Variants in TMTC1 observed in about 807,000 individuals in gnomAD.
The protein encoded by TMTC1 is protein O-mannosyl-transferase TMTC1.
TMTC1 carries 73 observed loss-of-function variants against 104.8 expected under a neutral mutation model. That is an observed-to-expected ratio of 0.70 (90% confidence interval 0.58 to 0.85). The LOEUF (loss-of-function observed/expected upper bound fraction) is 0.85, where lower values mean the gene tolerates loss of function less well. Among genes scored for constraint, TMTC1 ranks in the 40% least tolerant of loss-of-function variants. TMTC1 has a pLI of 0.00. For missense variants in TMTC1, 1,035 were observed against 1,096.1 expected (o/e 0.94, Z 0.79); for synonymous variants, 434 against 428.7 (o/e 1.01, Z -0.15).
chr12:29,522,565 TG>T (rs1219969429), intron 11 of TMTC1, among the ~76,000 whole-genome samples: 5 of 150,768 alleles, frequency 3.3e-5, no homozygotes, highest in Non-Finnish European at 7.4e-5. Context: ...TGTGTGTGTG[TG>T]TGTGTGTGTG....
chr12:29,525,400 G>A (rs1445343526), intron 11 of TMTC1, among the ~76,000 whole-genome samples: 1 of 151,630 alleles, frequency 6.6e-6, no homozygotes, highest in East Asian at 1.9e-4. Flanking sequence ...TGGCCAGGCT[G>A]GTCTCGAACT....
intron 6 of TMTC1, among the ~76,000 whole-genome samples, chr12:29,629,589 C>T (rs1008955967): frequency 3.3e-5 from 5 of 152,274 alleles, no homozygotes; most frequent in East Asian, 1.9e-4. Flanking sequence ...TGGGCTCACA[C>T]TCCTTTTATA....
chr12:29,602,963 T>C (rs1161405615), intron 7 of TMTC1, among the ~76,000 whole-genome samples: 4 of 152,162 alleles, frequency 2.6e-5, no homozygotes, highest in African/African-American at 4.8e-5. Flanking sequence ...AGCAAAAACA[T>C]ATTTAGAACA....
chr12:29,536,390 C>T (rs58225783), intron 10 of TMTC1, 73 bp from the exon 11 acceptor site: 2 of 935,978 alleles, frequency 2.1e-6, no homozygotes. Context: ...TGATTAGACT[C>T]TAAAAATCTC....
intron 5 of TMTC1, among the ~76,000 whole-genome samples, chr12:29,641,416 G>C (rs1226580722): frequency 6.6e-6 from 1 of 152,094 alleles, no homozygotes; most frequent in African/African-American, 2.4e-5. Context: ...CATATCACAG[G>C]ACTCTGTAGA....
At chr12:29,754,256 C>A (rs546913934) in intron 4 of TMTC1, among the ~76,000 whole-genome samples, 1 of 151,134 alleles carries the variant, frequency 6.6e-6, no homozygotes, top group South Asian at 2.1e-4. Context: ...GAATTTCTAG[C>A]CATTTAGTAT....
At chr12:29,513,872 C>T (rs914057341) in intron 16 of TMTC1, among the ~76,000 whole-genome samples, 1 of 152,070 alleles carries the variant, frequency 6.6e-6, no homozygotes, top group African/African-American at 2.4e-5. Context: ...TTTGTGCGTG[C>T]CTGCACACAC....
At chr12:29,675,729 T>C (rs35363733) in intron 5 of TMTC1, among the ~76,000 whole-genome samples, 437 of 152,316 alleles carry the variant, frequency 2.9e-3, no homozygotes, top group Non-Finnish European at 5.4e-3. Flanking sequence ...TTGTTAATTC[T>C]GAAAACATGA....
chr12:29,633,028 T>C, intron 6 of TMTC1, 119 bp downstream of exon 6: 1 of 913,032 alleles, frequency 1.1e-6, no homozygotes, highest in Non-Finnish European at 1.6e-6. Flanking sequence ...ACAAAAAATT[T>C]ACATAGACAA....
intron 5 of TMTC1, among the ~76,000 whole-genome samples, chr12:29,635,210 G>A (rs11050332): frequency 0.17 from 26,082 of 151,396 alleles, 2,498 homozygotes; most frequent in African/African-American, 0.25. Flanking sequence ...AAAAAATGCC[G>A]TTTATCTTTC....
intron 3 of TMTC1, among the ~76,000 whole-genome samples, chr12:29,757,982 T>C (rs551975401): frequency 1.2e-4 from 19 of 152,202 alleles, no homozygotes; most frequent in Non-Finnish European, 2.2e-4. Flanking sequence ...CAAGATGAGA[T>C]TTGGGAGTTA....
intron 17 of TMTC1, among the ~76,000 whole-genome samples, chr12:29,508,228 G>A (rs975160281): frequency 6.6e-6 from 1 of 152,220 alleles, no homozygotes; most frequent in South Asian, 2.1e-4. Flanking sequence ...ACAAAAGGAA[G>A]TATTAACAAT....
chr12:29,701,267 G>A (rs568763972), intron 5 of TMTC1, among the ~76,000 whole-genome samples: 2 of 152,296 alleles, frequency 1.3e-5, no homozygotes, highest in Non-Finnish European at 2.9e-5. Flanking sequence ...TGCTGCGGGA[G>A]TAAGATTGAC....
chr12:29,584,874 A>G (rs1263655963), intron 7 of TMTC1, among the ~76,000 whole-genome samples: 4 of 150,834 alleles, frequency 2.7e-5, no homozygotes, highest in Non-Finnish European at 5.9e-5. Context: ...AGTCTTTGCT[A>G]TTGTGAATAG....
intron 5 of TMTC1, among the ~76,000 whole-genome samples, chr12:29,646,034 C>A (rs1017178576): frequency 6.6e-6 from 1 of 152,156 alleles, no homozygotes; most frequent in Non-Finnish European, 1.5e-5. Flanking sequence ...AGTTTTCTGG[C>A]TCCAAATACA....
intron 5 of TMTC1, among the ~76,000 whole-genome samples, chr12:29,683,845 A>AT (rs57599919): frequency 0.027 from 3,741 of 140,948 alleles, 81 homozygotes; most frequent in Admixed American, 0.059. Flanking sequence ...ATTTCCTATC[A>AT]TTTTTTTTTT....
chr12:29,615,484 T>C (rs1946953018), intron 6 of TMTC1, among the ~76,000 whole-genome samples: 1 of 152,110 alleles, frequency 6.6e-6, no homozygotes, highest in African/African-American at 2.4e-5. Context: ...AAAATACCTG[T>C]AGAGAGATAT....
At chr12:29,744,865 T>TTTTAATTTAATTTAATTTAA (rs1197724427) in intron 5 of TMTC1, among the ~76,000 whole-genome samples, 4 of 152,214 alleles carry the variant, frequency 2.6e-5, no homozygotes, top group Non-Finnish European at 4.4e-5. Flanking sequence ...CAGTTCATAA[T>TTTTAATTTAATTTAATTTAA]TAAAAAGCCT....
At chr12:29,665,821 G>A (rs958687527) in intron 5 of TMTC1, among the ~76,000 whole-genome samples, 3 of 152,074 alleles carry the variant, frequency 2.0e-5, no homozygotes, top group Admixed American at 1.3e-4. Flanking sequence ...ATCCTCCACC[G>A]TCTCCCAGGA....
Sources: gnomAD v4.1 joint callset for allele counts (sites outside exome capture counted in the v4.1 genomes callset) on GRCh38, gnomAD v4.1.1 for gene constraint, MANE v1.5 for transcripts, NCBI Gene and HGNC (gene_info 2026-07-23, HGNC 2026-07-21) for gene names.